PDSS2: variants seen among roughly 807,000 people sequenced by gnomAD.
PDSS2 encodes all trans-polyprenyl-diphosphate synthase PDSS2.
PDSS2 carries 31 observed loss-of-function variants against 44.5 expected under a neutral mutation model. The observed-to-expected ratio is 0.70, with a 90% CI of 0.52 to 0.94. The LOEUF (loss-of-function observed/expected upper bound fraction) is 0.94. Among genes scored for constraint, PDSS2 ranks in the 40% least tolerant of loss-of-function variants. The pLI, the probability that PDSS2 is intolerant of heterozygous loss-of-function variation, is 0.00. For synonymous variants in PDSS2, 157 were observed against 180.3 expected (o/e 0.87, Z 1.03); for missense variants, 452 against 482.2 (o/e 0.94, Z 0.59).
At chr6:107,321,309 G>A (rs1777375272) in intron 2 of PDSS2, among the ~76,000 whole-genome samples, 1 of 152,182 alleles carries the variant, frequency 6.6e-6, no homozygotes, top group East Asian at 1.9e-4. Context: ...AAATGTAATA[G>A]AGGCCTCAGT....
In PDSS2 at chr6:107,265,396, T is replaced by C. The variant is rs868362883; in HGVS notation, c.630+8633A>G. 3.3e-5 allele frequency among the ~76,000 whole-genome samples: 5 copies of C among 152,086 alleles called. No homozygotes were observed. The South Asian group carries it at 8.3e-4, about 25-fold the overall frequency. ...AGAAATTGGTAGAATGAATAAGTCA[T>C]AAAAAATTAAAGTTGTTACAAATAT... is the stretch of plus-strand genomic sequence containing the variant. On this transcript the variant is annotated intron_variant, in intron 3 of 7. Coordinates refer to ENST00000369037, the MANE Select transcript of PDSS2 (RefSeq NM_020381.4).
At chr6:107,374,897 T>G (rs749674575) in intron 1 of PDSS2, among the ~76,000 whole-genome samples, 3 of 152,144 alleles carry the variant, frequency 2.0e-5, no homozygotes, top group Non-Finnish European at 4.4e-5. Flanking sequence ...TAGGTATTAT[T>G]TTCTTTGTGG....
Position 107,459,524 on chromosome 6 carries a change from C to T in PDSS2, c.-239G>A. 1.8e-6 allele frequency: 1 copy of T among 568,826 alleles called. No individual in the cohort carries two copies. Among genetic ancestry groups the T allele is most frequent in the Non-Finnish European group, 3.1e-6 (1 of 319,570 alleles). The allele number at this position is 568,826 out of a possible 1,614,324, so 35.2% of individuals were successfully genotyped here. A position where few individuals can be genotyped will look rare whatever the true frequency, so the allele number is the denominator to read the frequency against. Reference sequence around the variant, plus strand: ...GCCCCCGGCCACCCGGGGTAGAAACCACAGCCACTGCCTATGTGGAGGACG... The same window carrying T: ...GCCCCCGGCCACCCGGGGTAGAAACTACAGCCACTGCCTATGTGGAGGACG... On this transcript the variant is annotated 5_prime_UTR_variant, in exon 1 of 8. An upstream open reading frame in the 5' UTR gains an earlier in-frame stop. Coordinates refer to ENST00000369037, the MANE Select transcript of PDSS2 (RefSeq NM_020381.4). The surrounding 1 kb of genome is among the most constrained non-coding windows in gnomAD (Gnocchi z 4.3).
At chr6:107,336,506 G>A (rs547498269) in intron 1 of PDSS2, among the ~76,000 whole-genome samples, 36 of 152,178 alleles carry the variant, frequency 2.4e-4, no homozygotes, top group Non-Finnish European at 4.6e-4. Flanking sequence ...GGAAGTTAAA[G>A]TAATACAGTT....
chr6:107,168,995 C>G (rs1404618609), intron 7 of PDSS2, among the ~76,000 whole-genome samples: 2 of 152,092 alleles, frequency 1.3e-5, no homozygotes, highest in African/African-American at 4.8e-5. Context: ...GTGGCGTTCT[C>G]TGTATTTCCT....
chr6:107,422,402 A>C (rs1780855149), intron 1 of PDSS2, among the ~76,000 whole-genome samples: 1 of 152,086 alleles, frequency 6.6e-6, no homozygotes, highest in African/African-American at 2.4e-5. Context: ...GACAGAAATT[A>C]ATGTATGAAA....
rs140629606 is a variant in PDSS2 at position 107,289,482 on chromosome 6, T to G, written c.432-15255A>C. On this transcript the variant is annotated intron_variant, in intron 2 of 7. Transcript: ENST00000369037. ...TGGGAGGACAAGGTGGGTGGATTGC[T>G]CGAGCCCAGGAATCTGAGACCAGCC... Among the ~76,000 whole-genome samples the G allele has an allele frequency of 4.9e-3, 742 of 151,862 alleles. 2 individuals are homozygous for G. Among genetic ancestry groups the G allele is most frequent in the African/African-American group, 0.017 (689 of 41,438 alleles).
intron 4 of PDSS2, among the ~76,000 whole-genome samples, chr6:107,223,212 A>T (rs1258769159): frequency 4.0e-5 from 6 of 150,916 alleles, no homozygotes; most frequent in Non-Finnish European, 8.8e-5. Flanking sequence ...TATAGGTGTG[A>T]ACCACTGCGC....
intron 3 of PDSS2, among the ~76,000 whole-genome samples, chr6:107,258,572 C>G (rs147856894): frequency 6.6e-6 from 1 of 152,098 alleles, no homozygotes; most frequent in Non-Finnish European, 1.5e-5. Flanking sequence ...GAGGCCGAGG[C>G]AGGCAGATCA....
At chr6:107,388,078 C>A (rs1373572789) in intron 1 of PDSS2, among the ~76,000 whole-genome samples, 1 of 151,972 alleles carries the variant, frequency 6.6e-6, no homozygotes, top group African/African-American at 2.4e-5. Context: ...AAAACCCTAC[C>A]AATCAAAAAA....
chr6:107,194,915 C>G (rs970762199), intron 6 of PDSS2, among the ~76,000 whole-genome samples: 9 of 152,008 alleles, frequency 5.9e-5, no homozygotes, highest in Non-Finnish European at 1.3e-4. Flanking sequence ...GATCATGCCA[C>G]TGCACTCCAG....
chr6:107,229,412 T>C (rs1044426956), intron 4 of PDSS2, among the ~76,000 whole-genome samples: 3 of 152,170 alleles, frequency 2.0e-5, no homozygotes, highest in African/African-American at 4.8e-5. Context: ...CTCAAACTCC[T>C]GACCTCGTGA....
chr6:107,186,516 A>G (rs2114487859), intron 7 of PDSS2, among the ~76,000 whole-genome samples: 1 of 152,152 alleles, frequency 6.6e-6, no homozygotes, highest in South Asian at 2.1e-4. Flanking sequence ...TCTGGGATAC[A>G]TGTGCAGAAC....
chr6:107,366,147 T>C (rs1399453805), intron 1 of PDSS2, among the ~76,000 whole-genome samples: 1 of 152,012 alleles, frequency 6.6e-6, no homozygotes, highest in East Asian at 1.9e-4. Context: ...AGAAAACAAG[T>C]CTAATACATT....
At chr6:107,208,285 CTTTTTTTT>C (rs1164014672) in intron 6 of PDSS2, among the ~76,000 whole-genome samples, 33 of 53,302 alleles carry the variant, frequency 6.2e-4, no homozygotes, top group African/African-American at 2.6e-3. Flanking sequence ...CATGCCTGGC[CTTTTTTTT>C]TTTTTTTTTT....
chr6:107,413,154 T>G (rs1433180573), intron 1 of PDSS2, among the ~76,000 whole-genome samples: 1 of 152,190 alleles, frequency 6.6e-6, no homozygotes, highest in African/African-American at 2.4e-5. Context: ...TTTATTACAG[T>G]TTTTGTAGTA....
intron 3 of PDSS2, among the ~76,000 whole-genome samples, chr6:107,260,230 A>G (rs1775168978): frequency 6.6e-6 from 1 of 152,220 alleles, no homozygotes; most frequent in African/African-American, 2.4e-5. Flanking sequence ...TAAGTCCTCC[A>G]GTAGGTCATT....
rs1172645581 is a variant in PDSS2, at chr6:107,297,322, G to GA, written c.432-23096dup. Among the ~76,000 whole-genome samples, 5 of 151,616 alleles carry GA rather than the reference G, an allele frequency of 3.3e-5. No homozygotes were observed. The South Asian group carries it at 1.0e-3, about 32-fold the overall frequency. ...CATATACAATATCCCTCCTTTCCTA[G>GA]AAAAAATACTCCCAGAAGTATCTGG... On this transcript the variant is annotated intron_variant, in intron 2 of 7. Coordinates refer to ENST00000369037, the MANE Select transcript of PDSS2 (RefSeq NM_020381.4).
At chr6:107,264,679 T>C (rs1775355021) in intron 3 of PDSS2, among the ~76,000 whole-genome samples, 1 of 152,206 alleles carries the variant, frequency 6.6e-6, no homozygotes, top group South Asian at 2.1e-4. Context: ...TCTAAATAAA[T>C]ACAAAGACCA....
Sources: gnomAD v4.1 joint callset for allele counts (sites outside exome capture counted in the v4.1 genomes callset) on GRCh38, gnomAD v4.1.1 for gene constraint, Gnocchi (gnomAD v3.1) non-coding constraint, MANE v1.5 for transcripts, NCBI Gene and HGNC (gene_info 2026-07-23, HGNC 2026-07-21) for gene names.